RPS15: variants seen among roughly 807,000 people sequenced by gnomAD.
The protein encoded by RPS15 is small ribosomal subunit protein uS19.
A neutral mutation model predicts 14.9 loss-of-function variants in RPS15; 5 were observed. The observed-to-expected ratio is 0.34, with a 90% CI of 0.18 to 0.70. The LOEUF (loss-of-function observed/expected upper bound fraction) is 0.70, where lower values mean the gene tolerates loss of function less well. RPS15 is among the 30% of genes least tolerant of loss of function. The pLI, the probability that RPS15 is intolerant of heterozygous loss-of-function variation, is 0.65. For synonymous variants in RPS15, 103 were observed against 85.0 expected (o/e 1.21, Z -1.16); for missense variants, 102 against 204.2 (o/e 0.50, Z 3.05).
At chr19:1,439,135 CCT>C (rs1457445900) in intron 2 of RPS15, 8 of 519,536 alleles carry the variant, frequency 1.5e-5, no homozygotes, top group East Asian at 6.8e-5. Context: ...AGGTGTAGCC[CCT>C]GTCTGTAGCC....
intron 2 of RPS15, 106 bp from the exon 3 acceptor site, chr19:1,439,913 G>T (rs2083639528): frequency 7.6e-6 from 7 of 922,688 alleles, no homozygotes; most frequent in Non-Finnish European, 1.2e-5. Context: ...GGTCCACTGC[G>T]GCTCTGTCCC....
Position 1,438,879 on chromosome 19 carries a change from C to G in RPS15, c.76C>G (p.Leu26Val). The change falls in exon 2 of 4, where the codon CTG becomes GTG. Residue 26 changes from leucine to valine, a missense_variant. By Grantham distance (32) the Leu-to-Val change is conservative. Around this residue, in one of 2 missense-constraint regions of RPS15, gnomAD observed 70 missense variants for 96.8 expected, o/e 0.72. Coordinates refer to ENST00000592588, the MANE Select transcript of RPS15 (RefSeq NM_001018.5). This position sits in a 1 kb window ranked among gnomAD's most constrained non-coding sequence, Gnocchi z 4.8. ...TYRGVDLDQL[L>V]DMSYEQLMQL... is the part of the protein sequence containing the mutation. ...CCGCGGCGTGGACCTCGACCAGCTG[C>G]TGGACATGTCCTAGTAAGGGCGGCC... 1 of 1,584,714 alleles carries G rather than the reference C, an allele frequency of 6.3e-7. No homozygotes were observed. Among genetic ancestry groups the G allele is most frequent in the Non-Finnish European group, 8.6e-7 (1 of 1,165,994 alleles).
Position 1,438,648 on chromosome 19 carries a change from C to G in RPS15, c.4-159C>G, listed in dbSNP as rs778500677. 1.1e-5 allele frequency: 17 copies of G among 1,532,428 alleles called. No homozygotes were observed. Among genetic ancestry groups the G allele is most frequent in the Middle Eastern group, 1.8e-4 (1 of 5,416 alleles). 94.9% of individuals were successfully genotyped at this position (1,532,428 alleles called of 1,614,324 possible). On this transcript the variant is annotated intron_variant, in intron 1 of 3. Transcript: ENST00000592588. This position sits in a 1 kb window ranked among gnomAD's most constrained non-coding sequence, Gnocchi z 4.8. ...CCTTCATGTCCGGGTCCTCGTAACCCGGAGCCGCGAGTGATCCCCGGGGAC... is the reference window on the plus strand; with the variant it reads ...CCTTCATGTCCGGGTCCTCGTAACCGGGAGCCGCGAGTGATCCCCGGGGAC...
rs1417886438 is a variant in RPS15 at position 1,440,004 on chromosome 19, G to A, written c.90-15G>A. 3 of 1,544,254 alleles carry A rather than the reference G, an allele frequency of 1.9e-6. No individual in the cohort carries two copies. The highest frequency in any genetic ancestry group is 2.0e-5 in the Admixed American group (1 of 51,012). On this transcript the variant is annotated splice_polypyrimidine_tract_variant and intron_variant, in intron 2 of 3. Coordinates refer to ENST00000592588, the MANE Select transcript of RPS15 (RefSeq NM_001018.5). ...GCCGGGCCGCTCACAAAACTGCCTG[G>A]TGCATCCTCCCCAGCGAGCAGCTGA...
At position 1,440,093 on chromosome 19, in the gene RPS15, C is replaced by G; in HGVS notation, c.164C>G (p.Ser55Cys). 6.3e-7 allele frequency: 1 copy of G among 1,584,840 alleles called. No homozygotes were observed. The highest frequency in any genetic ancestry group is 8.6e-7 in the Non-Finnish European group (1 of 1,167,494). The change falls in exon 3 of 4, where the codon TCC (serine) becomes TGC (cysteine). Residue 55 changes from serine (S) to cysteine (C), a missense_variant. Physicochemically the swap from Ser to Cys is moderately radical, Grantham distance 112. Around this residue, in one of 2 missense-constraint regions of RPS15, gnomAD observed 70 missense variants for 96.8 expected, o/e 0.72. Transcript: ENST00000592588. ...CGGGGCCTGCGGCGGAAGCAGCACT[C>G]CCTGCTGAAGCGCCTGCGCAAGGCC... Reference protein sequence around the residue: ...LNRGLRRKQHSLLKRLRKAKK... With the variant: ...LNRGLRRKQHCLLKRLRKAKK...
chr19:1,439,770 G>A, intron 2 of RPS15: 2 of 613,348 alleles, frequency 3.3e-6, no homozygotes, highest in Non-Finnish European at 5.8e-6. Flanking sequence ...TGTGGTCTCC[G>A]GGCCGCTTGT....
Position 1,438,552 on chromosome 19 carries a change from GC to G in RPS15, c.3+125del. 5 of 1,580,574 alleles carry G rather than the reference GC, an allele frequency of 3.2e-6. No homozygotes were observed. The highest frequency in any genetic ancestry group is 4.3e-6 in the Non-Finnish European group (5 of 1,163,418). The stretch of plus-strand genomic sequence containing the variant: ...CGGCTTGCTCCCGACCCTGCAGGCG[GC>G]TGGATGTTGGGGCGAGGGGCGGACT... On this transcript the variant is annotated intron_variant, in intron 1 of 3. Transcript: ENST00000592588. This position sits in a 1 kb window ranked among gnomAD's most constrained non-coding sequence, Gnocchi z 4.8.
rs1250491926 is a variant in RPS15 at position 1,438,850 on chromosome 19, C to T, written c.47C>T (p.Thr16Ile). ...AAGAAGCGGACCTTCCGCAAGTTCA[C>T]CTACCGCGGCGTGGACCTCGACCAG... ...QKKKRTFRKF[T>I]YRGVDLDQLL... The change falls in exon 2 of 4, where the codon ACC (threonine) becomes ATC (isoleucine). Residue 16 changes from threonine to isoleucine, a missense_variant. Coordinates refer to ENST00000592588, the MANE Select transcript of RPS15 (RefSeq NM_001018.5). This position sits in a 1 kb window ranked among gnomAD's most constrained non-coding sequence, Gnocchi z 4.8. The T allele has an allele frequency of 2.5e-6, 4 of 1,595,622 alleles. No homozygotes were observed. The highest frequency in any genetic ancestry group is 2.7e-5 in the African/African-American group (2 of 74,472).
rs1295110948 is a variant in RPS15, at chr19:1,438,934, C to T, written c.89+42C>T. On this transcript the variant is annotated intron_variant, in intron 2 of 3. Transcript: ENST00000592588. This position sits in a 1 kb window ranked among gnomAD's most constrained non-coding sequence, Gnocchi z 4.8. Reference sequence around the variant, plus strand: ...GGGTCGCGGGCAGGGGCTGGGCCAGCGGTGGGGCTTGTCCGGGTGAGGGCG... The same window carrying T: ...GGGTCGCGGGCAGGGGCTGGGCCAGTGGTGGGGCTTGTCCGGGTGAGGGCG... 7.0e-6 allele frequency: 9 copies of T among 1,290,832 alleles called. No homozygotes were observed. Among genetic ancestry groups the T allele is most frequent in the Non-Finnish European group, 9.4e-6 (9 of 962,154 alleles). 80.0% of individuals were successfully genotyped at this position (1,290,832 alleles called of 1,614,324 possible).
chr19:1,439,983 G>T (rs2083640149), intron 2 of RPS15, 36 bp from the exon 3 acceptor site: 2 of 1,516,286 alleles, frequency 1.3e-6, no homozygotes, highest in African/African-American at 1.4e-5. Flanking sequence ...CCCCAGGCCG[G>T]GCCGCTCACA....
Position 1,438,917 on chromosome 19 carries a change from G to A in RPS15, c.89+25G>A. The stretch of plus-strand genomic sequence containing the variant: ...AGTAAGGGCGGCCGCGGGGGTCGCG[G>A]GCAGGGGCTGGGCCAGCGGTGGGGC... On this transcript the variant is annotated intron_variant, in intron 2 of 3. Transcript: ENST00000592588. This position sits in a 1 kb window ranked among gnomAD's most constrained non-coding sequence, Gnocchi z 4.8. 1 of 1,550,132 alleles carries A rather than the reference G, an allele frequency of 6.5e-7. No homozygotes were observed. The highest frequency in any genetic ancestry group is 8.7e-7 in the Non-Finnish European group (1 of 1,146,326).
intron 2 of RPS15, chr19:1,439,634 A>ACCCTCCCGCCTCAACCTC: frequency 3.9e-6 from 2 of 517,070 alleles, no homozygotes; most frequent in East Asian, 6.5e-5. Context: ...GGCTCAAGCG[A>ACCCTCCCGCCTCAACCTC]CCCTCCCGCC....
chr19:1,438,988 GCGGT>G lies in RPS15; in HGVS notation c.89+97_89+100del. On this transcript the variant is annotated intron_variant, in intron 2 of 3. Transcript: ENST00000592588. This position sits in a 1 kb window ranked among gnomAD's most constrained non-coding sequence, Gnocchi z 4.8. ...GGGCGGGGGTCCAAGCGCCTCTGCG[GCGGT>G]GGGCGGGCACGGTCTCCGCGCGGGT... The G allele has an allele frequency of 9.8e-7, 1 of 1,019,462 alleles. No homozygotes were observed. Among genetic ancestry groups the G allele is most frequent in the Non-Finnish European group, 1.4e-6 (1 of 703,556 alleles). 63.2% of individuals were successfully genotyped at this position (1,019,462 alleles called of 1,614,324 possible).
At position 1,438,522 on chromosome 19, in the gene RPS15, T is replaced by C. The variant is rs2083626309; in HGVS notation, c.3+94T>C. On this transcript the variant is annotated intron_variant, in intron 1 of 3. Coordinates refer to ENST00000592588, the MANE Select transcript of RPS15 (RefSeq NM_001018.5). This position sits in a 1 kb window ranked among gnomAD's most constrained non-coding sequence, Gnocchi z 4.8. ...GGGGGCCGCAGTTCGTCCCCGCGGCTACGGCGGCTTGCTCCCGACCCTGCA... is the reference window on the plus strand; with the variant it reads ...GGGGGCCGCAGTTCGTCCCCGCGGCCACGGCGGCTTGCTCCCGACCCTGCA... 2 of 1,604,238 alleles carry C rather than the reference T, an allele frequency of 1.2e-6. No homozygotes were observed. Among genetic ancestry groups the C allele is most frequent in the East Asian group, 4.5e-5 (2 of 44,200 alleles).
Position 1,438,437 on chromosome 19 carries a change from T to A in RPS15, c.3+9T>A. ...GAGGATCCGGCAAGATGGTGAGTGT[T>A]GCGATTTGGCGCGTCTCTGCCGGGC... On this transcript the variant is annotated intron_variant, in intron 1 of 3. Coordinates refer to ENST00000592588, the MANE Select transcript of RPS15 (RefSeq NM_001018.5). The surrounding 1 kb of genome is among the most constrained non-coding windows in gnomAD (Gnocchi z 4.8). 6.2e-7 allele frequency: 1 copy of A among 1,613,402 alleles called. No individual in the cohort carries two copies. Among genetic ancestry groups the A allele is most frequent in the Non-Finnish European group, 8.5e-7 (1 of 1,179,888 alleles).
intron 2 of RPS15, chr19:1,439,741 G>T: frequency 1.6e-6 from 1 of 607,608 alleles, no homozygotes; most frequent in Middle Eastern, 4.4e-4. Context: ...GCTGTACGCT[G>T]CAGCACCTTG....
chr19:1,440,231 C>G lies in RPS15; in HGVS notation c.302C>G (p.Thr101Ser), dbSNP rs143917369. Residue 101 changes from threonine to serine, a missense_variant, in exon 3 of 4, where the codon ACC becomes AGC. Thr to Ser is a moderately conservative substitution (Grantham distance 58). Transcript: ENST00000592588. Reference protein sequence around the residue: ...GSMVGVYNGKTFNQVEIKPEM... With the variant: ...GSMVGVYNGKSFNQVEIKPEM... Reference sequence around the variant, plus strand: ...ATGGTGGGCGTCTACAACGGCAAGACCTTCAACCAGGTGGAGATCAAGGTG... The same window carrying G: ...ATGGTGGGCGTCTACAACGGCAAGAGCTTCAACCAGGTGGAGATCAAGGTG... The G allele has an allele frequency of 1.2e-3, 1,887 of 1,613,056 alleles. 1 individual carries two copies. Among genetic ancestry groups the G allele is most frequent in the Non-Finnish European group, 1.4e-3 (1,664 of 1,179,734 alleles).
At chr19:1,439,240 C>T (rs1600266901) in intron 2 of RPS15, 1 of 290,520 alleles carries the variant, frequency 3.4e-6, no homozygotes. Context: ...TGGTGGTGGG[C>T]ATCTGGCTTG....
chr19:1,439,707 C>T, intron 2 of RPS15: 2 of 586,308 alleles, frequency 3.4e-6, no homozygotes, highest in African/African-American at 1.9e-5. Context: ...CCTTCCCCTG[C>T]GTTTTTAGAG....
Sources: allele counts gnomAD v4.1 joint callset, GRCh38; gene constraint gnomAD v4.1.1; regional missense constraint gnomAD v4.1.1; non-coding constraint Gnocchi (gnomAD v3.1); transcripts MANE v1.5; gene names NCBI Gene and HGNC (gene_info 2026-07-23, HGNC 2026-07-21).